Variants in ATP4A observed in about 807,000 individuals in gnomAD.
ATP4A encodes the protein ATPase H+/K+ transporting subunit alpha.
Under a neutral mutation model 112.1 loss-of-function variants are expected in ATP4A, and 73 were observed. That is an observed-to-expected ratio of 0.65 (90% CI 0.54 to 0.79). ATP4A has a LOEUF of 0.79. Among genes scored for constraint, ATP4A ranks in the 30% least tolerant of loss-of-function variants. The pLI is 0.00. For synonymous variants in ATP4A, 588 were observed against 588.9 expected (o/e 1.00, Z 0.02); for missense variants, 1,081 against 1,425.9 (o/e 0.76, Z 3.90).
Position 35,560,658 on chromosome 19 carries a change from G to A in ATP4A, c.535-43C>T. ...CAAAGTTGAGGTGGACGGGGGTGGG[G>A]GTGGGAGCTGCTGCATGTGGGGAGG... On this transcript the variant is annotated intron_variant, in intron 5 of 21. Transcript: ENST00000262623. This position sits in a 1 kb window ranked among gnomAD's most constrained non-coding sequence, Gnocchi z 5.1. 1 of 1,560,494 alleles carries A rather than the reference G, an allele frequency of 6.4e-7. No homozygotes were observed. The highest frequency in any genetic ancestry group is 8.8e-7 in the Non-Finnish European group (1 of 1,137,874).
rs2071599758 is a variant in ATP4A, at chr19:35,551,175, G to A, written c.2886-64C>T. 2.7e-6 allele frequency: 4 copies of A among 1,483,840 alleles called. No individual in the cohort carries two copies. In the African/African-American group the frequency reaches 4.2e-5, roughly 16 times the overall value. The allele number at this position is 1,483,840 out of a possible 1,614,324, so 91.9% of individuals were successfully genotyped here. ...GGGACGTGATGGAAATCAGGATACT[G>A]TGGGTCAAAGTAGGTCAGATGTCAG... On this transcript the variant is annotated intron_variant, in intron 19 of 21. Coordinates refer to ENST00000262623, the MANE Select transcript of ATP4A (RefSeq NM_000704.3). The surrounding 1 kb of genome is among the most constrained non-coding windows in gnomAD (Gnocchi z 5.2).
At chr19:35,552,567 C>G (rs1007312834) in intron 18 of ATP4A, among the ~76,000 whole-genome samples, 7 of 152,182 alleles carry the variant, frequency 4.6e-5, no homozygotes, top group Non-Finnish European at 1.0e-4. Context: ...AGTACCAGAC[C>G]ATAAGTCCAG....
In ATP4A at chr19:35,555,910, G is replaced by A. The variant is rs2071629101; in HGVS notation, c.1870-98C>T. The stretch of plus-strand genomic sequence containing the variant: ...TGCTGATACACGTGTTCATTTACTT[G>A]ACCAAGCGTGACCACCTCCTACGTG... On this transcript the variant is annotated intron_variant, in intron 12 of 21. Coordinates refer to ENST00000262623, the MANE Select transcript of ATP4A (RefSeq NM_000704.3). The surrounding 1 kb of genome is among the most constrained non-coding windows in gnomAD (Gnocchi z 6.6). 5.4e-6 allele frequency: 8 copies of A among 1,469,856 alleles called. No individual in the cohort carries two copies. The highest frequency in any genetic ancestry group is 7.3e-6 in the Non-Finnish European group (8 of 1,098,938). The allele number at this position is 1,469,856 out of a possible 1,614,324, so 91.1% of individuals were successfully genotyped here. A position where few individuals can be genotyped will look rare whatever the true frequency, so the allele number is the denominator to read the frequency against.
At chr19:35,553,517 G>C (rs1376280563) in intron 17 of ATP4A, among the ~76,000 whole-genome samples, 189 bp downstream of exon 17, 1 of 152,162 alleles carries the variant, frequency 6.6e-6, no homozygotes, top group Non-Finnish European at 1.5e-5. Context: ...GTCAGAGAGA[G>C]AGCAGGGACA....
chr19:35,562,567 G>A lies in ATP4A; in HGVS notation c.288C>T (p.Gly96=). The change falls in exon 4 of 22, where the codon GGC becomes GGT. Residue 96 remains glycine (G), a synonymous_variant. Coordinates refer to ENST00000262623, the MANE Select transcript of ATP4A (RefSeq NM_000704.3). ...TCGCGAACTTGACGTACTCTGGGGT[G>A]CCCCGTGGTGGCCGCAGTGCGTTGG... ...DGPNALRPPR[G]TPEYVKFARQ... 4.3e-6 allele frequency: 7 copies of A among 1,612,478 alleles called. No homozygotes were observed. The highest frequency in any genetic ancestry group is 5.9e-6 in the Non-Finnish European group (7 of 1,179,472).
chr19:35,558,272 G>T lies in ATP4A; in HGVS notation c.1500+90C>A. ...GCTGCGGAGAGAAGGGGCAAGGAGCGAAGCCCCTCGTGGCCCGCTGATGTG... is the reference window on the plus strand; with the variant it reads ...GCTGCGGAGAGAAGGGGCAAGGAGCTAAGCCCCTCGTGGCCCGCTGATGTG... On this transcript the variant is annotated intron_variant, in intron 10 of 21. Coordinates refer to ENST00000262623, the MANE Select transcript of ATP4A (RefSeq NM_000704.3). The surrounding 1 kb of genome is among the most constrained non-coding windows in gnomAD (Gnocchi z 5.1). 10 of 1,466,188 alleles carry T rather than the reference G, an allele frequency of 6.8e-6. No individual in the cohort carries two copies. The highest frequency in any genetic ancestry group is 9.1e-6 in the Non-Finnish European group (10 of 1,093,448). 90.8% of individuals were successfully genotyped at this position (1,466,188 alleles called of 1,614,324 possible).
chr19:35,561,263 T>C (rs1470527302), intron 4 of ATP4A, among the ~76,000 whole-genome samples: 2 of 152,128 alleles, frequency 1.3e-5, no homozygotes, highest in African/African-American at 4.8e-5. Flanking sequence ...CCTTCTCCTG[T>C]GTCCCCAAGC....
chr19:35,563,494 G>A lies in ATP4A; in HGVS notation c.46C>T (p.Pro16Ser), dbSNP rs1010232521. 6.2e-7 allele frequency: 1 copy of A among 1,614,036 alleles called. No individual in the cohort carries two copies. The highest frequency in any genetic ancestry group is 1.3e-5 in the African/African-American group (1 of 74,974). ...NYELYSVELG[P>S]GPGGDMAAKM... The stretch of plus-strand genomic sequence containing the variant: ...GCAGCCATGTCCCCGCCAGGGCCAG[G>A]ACCCAGCTCCACCGAGTAGAGCTCA... Residue 16 changes from proline to serine, a missense_variant, in exon 2 of 22, where the codon CCT becomes TCT. Physicochemically the swap from Pro to Ser is moderately conservative, Grantham distance 74 (BLOSUM62 -1). Coordinates refer to ENST00000262623, the MANE Select transcript of ATP4A (RefSeq NM_000704.3).
intron 12 of ATP4A, 65 bp downstream of exon 12, chr19:35,556,848 T>TTCAACCCAAATCCTGCTGCCA: frequency 6.4e-7 from 1 of 1,562,942 alleles, no homozygotes; most frequent in Admixed American, 1.9e-5. Context: ...CATGGGGTTC[T>TTCAACCCAAATCCTGCTGCCA]TCAACCCAAA....
At position 35,555,403 on chromosome 19, in the gene ATP4A, G is replaced by A. The variant is rs1365247838; in HGVS notation, c.2157+37C>T. 1 of 1,602,112 alleles carries A rather than the reference G, an allele frequency of 6.2e-7. No homozygotes were observed. The highest frequency in any genetic ancestry group is 1.3e-5 in the African/African-American group (1 of 74,818). Reference sequence around the variant, plus strand: ...GGCCGGTCCAAGACCAGCCCCGCCTGTCTGCCCGCCTGCCCACCCTCATCA... The same window carrying A: ...GGCCGGTCCAAGACCAGCCCCGCCTATCTGCCCGCCTGCCCACCCTCATCA... On this transcript the variant is annotated intron_variant, in intron 14 of 21. Transcript: ENST00000262623. The surrounding 1 kb of genome is among the most constrained non-coding windows in gnomAD (Gnocchi z 6.6).
intron 3 of ATP4A, 61 bp downstream of exon 3, chr19:35,563,148 A>G (rs375801287): frequency 1.6e-5 from 24 of 1,499,220 alleles, no homozygotes; most frequent in Non-Finnish European, 2.0e-5. Flanking sequence ...CCCTCCTTCC[A>G]TCTCCCTCTC....
At chr19:35,554,157 G>A (rs1429373972) in intron 16 of ATP4A, among the ~76,000 whole-genome samples, 1 of 151,726 alleles carries the variant, frequency 6.6e-6, no homozygotes, top group Non-Finnish European at 1.5e-5. Flanking sequence ...GTGTATTTCT[G>A]TGTCACTCCC....
Position 35,555,859 on chromosome 19 carries a change from T to C in ATP4A, c.1870-47A>G. Reference sequence around the variant, plus strand: ...CACTGACCCCTTCAGATCAGCCCAATCTCCCTGTCCTCCCTGGGAGACATC... The same window carrying C: ...CACTGACCCCTTCAGATCAGCCCAACCTCCCTGTCCTCCCTGGGAGACATC... On this transcript the variant is annotated intron_variant, in intron 12 of 21. Transcript: ENST00000262623. This position sits in a 1 kb window ranked among gnomAD's most constrained non-coding sequence, Gnocchi z 6.6. The C allele has an allele frequency of 6.4e-7, 1 of 1,563,428 alleles. No individual in the cohort carries two copies. Among genetic ancestry groups the C allele is most frequent in the South Asian group, 1.2e-5 (1 of 86,564 alleles).
Position 35,562,456 on chromosome 19 carries a change from C to A in ATP4A, c.399G>T (p.Gly133=), listed in dbSNP as rs754590076. ...LIAFAIQASE[G]DLTTDDNLYL... ...TCACATTGTCGTCGGTGGTGAGGTC[C>A]CCCTCACTAGCCTGGATGGCAAAGG... is the stretch of plus-strand genomic sequence containing the variant. The change falls in exon 4 of 22, where the codon GGG becomes GGT. Residue 133 remains glycine (G), a synonymous_variant. Coordinates refer to ENST00000262623, the MANE Select transcript of ATP4A (RefSeq NM_000704.3). 1.2e-6 allele frequency: 2 copies of A among 1,613,916 alleles called. No individual in the cohort carries two copies. Among genetic ancestry groups the A allele is most frequent in the Non-Finnish European group, 1.7e-6 (2 of 1,179,966 alleles).
intron 16 of ATP4A, 129 bp downstream of exon 16, chr19:35,554,793 T>C (rs1022303692): frequency 7.9e-5 from 106 of 1,333,754 alleles, no homozygotes; most frequent in Admixed American, 1.6e-4. Context: ...CTGGCTGTCA[T>C]TGCACACACA....
chr19:35,557,625 G>A lies in ATP4A; in HGVS notation c.1693+30C>T, dbSNP rs767370817. On this transcript the variant is annotated intron_variant, in intron 11 of 21. Coordinates refer to ENST00000262623, the MANE Select transcript of ATP4A (RefSeq NM_000704.3). This position sits in a 1 kb window ranked among gnomAD's most constrained non-coding sequence, Gnocchi z 4.4. ...TCTGTGCTAGCTCCTCCTCGCACCT[G>A]GAGTCTCCTCCCCTGCCCAGGGGTC... 4.4e-6 allele frequency: 7 copies of A among 1,582,438 alleles called. No homozygotes were observed. The highest frequency in any genetic ancestry group is 2.2e-4 in the Middle Eastern group (1 of 4,460).
rs940519441 is a variant in ATP4A, at chr19:35,554,915, G to A, written c.2481+7C>T. ...CTGTGGATGGGTACCCTGGGCTGTG[G>A]ACTTACAATGTCAGTGCAGAGTTCG... On this transcript the variant is annotated splice_region_variant and intron_variant, in intron 16 of 21. Coordinates refer to ENST00000262623, the MANE Select transcript of ATP4A (RefSeq NM_000704.3). 4 of 1,613,914 alleles carry A rather than the reference G, an allele frequency of 2.5e-6. No individual in the cohort carries two copies. Among genetic ancestry groups the A allele is most frequent in the East Asian group, 4.5e-5 (2 of 44,898 alleles).
rs777458325 is a variant in ATP4A at position 35,556,902 on chromosome 19, C to T, written c.1869+11G>A. ...TCCTCACTCCACTTGTTCCTCCCCACAGTGGCATACCCGGATGCCTGCGGT... is the reference window on the plus strand; with the variant it reads ...TCCTCACTCCACTTGTTCCTCCCCATAGTGGCATACCCGGATGCCTGCGGT... On this transcript the variant is annotated intron_variant, in intron 12 of 21. Transcript: ENST00000262623. The T allele has an allele frequency of 6.2e-7, 1 of 1,610,942 alleles. No homozygotes were observed. The highest frequency in any genetic ancestry group is 1.7e-5 in the Admixed American group (1 of 59,914).
rs200243772 is a variant in ATP4A, at chr19:35,560,649, G to A, written c.535-34C>T. ...CAGGGGCACCAAAGTTGAGGTGGAC[G>A]GGGGTGGGGGTGGGAGCTGCTGCAT... On this transcript the variant is annotated intron_variant, in intron 5 of 21. Transcript: ENST00000262623. This position sits in a 1 kb window ranked among gnomAD's most constrained non-coding sequence, Gnocchi z 5.1. The A allele has an allele frequency of 3.6e-5, 56 of 1,560,554 alleles. No individual in the cohort carries two copies. Among genetic ancestry groups the A allele is most frequent in the South Asian group, 2.7e-4 (24 of 88,772 alleles).
Sources: allele counts gnomAD v4.1 joint callset (sites outside exome capture counted in the v4.1 genomes callset), GRCh38; gene constraint gnomAD v4.1.1; non-coding constraint Gnocchi (gnomAD v3.1); transcripts MANE v1.5; gene names NCBI Gene and HGNC (gene_info 2026-07-23, HGNC 2026-07-21).